The following CFAP43 variants were observed in gnomAD, a reference collection of about 807,000 sequenced individuals.
The protein encoded by CFAP43 is cilia- and flagella-associated protein 43.
CFAP43 carries 155 observed loss-of-function variants against 218.9 expected under a neutral mutation model. The ratio of observed to expected loss-of-function variants is 0.71; its 90% CI spans 0.62 to 0.81. CFAP43 has a LOEUF of 0.81. Among genes scored for constraint, CFAP43 ranks in the 30% least tolerant of loss-of-function variants. The probability of loss-of-function intolerance (pLI) is 0.00; values close to 1 mark genes in which losing one functional copy is unlikely to be tolerated. For synonymous variants in CFAP43, 645 were observed against 681.3 expected (o/e 0.95, Z 0.83); for missense variants, 1,778 against 1,954.3 (o/e 0.91, Z 1.70).
intron 7 of CFAP43, among the ~76,000 whole-genome samples, chr10:104,205,176 G>A (rs1251732218): frequency 1.6e-5 from 2 of 124,398 alleles, no homozygotes; most frequent in African/African-American, 6.3e-5. Flanking sequence ...TCGCGCCACT[G>A]TACTCCAGCC....
In CFAP43 at chr10:104,193,948, A is replaced by G. The variant is rs1309084756; in HGVS notation, c.1360T>C (p.Tyr454His). 1 of 1,614,044 alleles carries G rather than the reference A, an allele frequency of 6.2e-7. No homozygotes were observed. The highest frequency in any genetic ancestry group is 8.5e-7 in the Non-Finnish European group (1 of 1,180,036). Residue 454 changes from tyrosine to histidine, a missense_variant, in exon 11 of 38, where the codon TAC becomes CAC. By Grantham distance (83) the Tyr-to-His change is moderately conservative (BLOSUM62 2). This residue lies in a region of CFAP43 where 1,553 missense variants were observed against 1,685.2 expected (regional missense o/e 0.92). Coordinates refer to ENST00000357060, the MANE Select transcript of CFAP43 (RefSeq NM_025145.7). ...AAVGTEDGSV[Y>H]FISVYDKESP... is the part of the protein sequence containing the mutation. ...TCCTTATCATATACGCTGATGAAGT[A>G]GACCGAGCCATCCTCCGTGCCCACG... is the stretch of plus-strand genomic sequence containing the variant.
In CFAP43 at chr10:104,230,796, T is replaced by G; in HGVS notation, c.113A>C (p.Asn38Thr). The change falls in exon 2 of 38, where the codon AAC becomes ACC. Residue 38 changes from asparagine (N) to threonine (T), a missense_variant. Coordinates refer to ENST00000357060, the MANE Select transcript of CFAP43 (RefSeq NM_025145.7). ...PKQNVHFVND[N>T]TICYPCGNYV... ...ATTCCCACAAGGGTAGCAAATGGTG[T>G]TGTCGTTGACAAAATGAACATTCTG... 1 of 1,613,800 alleles carries G rather than the reference T, an allele frequency of 6.2e-7. No homozygotes were observed. Among genetic ancestry groups the G allele is most frequent in the Non-Finnish European group, 8.5e-7 (1 of 1,179,962 alleles).
intron 16 of CFAP43, among the ~76,000 whole-genome samples, chr10:104,183,216 C>T (rs2089912505): frequency 1.3e-5 from 2 of 152,074 alleles, no homozygotes; most frequent in Non-Finnish European, 2.9e-5. Context: ...ATTCCTGGGC[C>T]CCACTTGCAG....
At chr10:104,176,552 T>C (rs1488278237) in intron 19 of CFAP43, among the ~76,000 whole-genome samples, 1 of 152,220 alleles carries the variant, frequency 6.6e-6, no homozygotes, top group African/African-American at 2.4e-5. Flanking sequence ...AGCCATATAC[T>C]TTTCTAGAAA....
At position 104,225,449 on chromosome 10, in the gene CFAP43, G is replaced by A. The variant is rs1179622984; in HGVS notation, c.416+12C>T. Reference sequence around the variant, plus strand: ...CCCAGTAAAAGGAATTCCACAGGATGCTGAAACTTACCAAAGGGCCAGTTC... The same window carrying A: ...CCCAGTAAAAGGAATTCCACAGGATACTGAAACTTACCAAAGGGCCAGTTC... On this transcript the variant is annotated intron_variant, in intron 3 of 37. Transcript: ENST00000357060. The A allele has an allele frequency of 6.3e-7, 1 of 1,592,564 alleles. No homozygotes were observed. Among genetic ancestry groups the A allele is most frequent in the South Asian group, 1.1e-5 (1 of 89,648 alleles).
chr10:104,179,131 T>A, intron 18 of CFAP43, 25 bp from the exon 19 acceptor site: 1 of 1,559,272 alleles, frequency 6.4e-7, no homozygotes, highest in Non-Finnish European at 8.8e-7. Flanking sequence ...GTATATCACT[T>A]AACAAAGCAA....
At chr10:104,159,063 T>A (rs1430207427) in intron 27 of CFAP43, among the ~76,000 whole-genome samples, 1 of 152,148 alleles carries the variant, frequency 6.6e-6, no homozygotes, top group African/African-American at 2.4e-5. Flanking sequence ...AGGTATAAAA[T>A]GAATTAAGAT....
chr10:104,131,282 T>G lies in CFAP43; in HGVS notation c.4831+49A>C, dbSNP rs375614935. On this transcript the variant is annotated intron_variant, in intron 37 of 37. Transcript: ENST00000357060. Reference sequence around the variant, plus strand: ...TTGTATACATTTTAGGATTACTGATTACTTTTAAAGAAACCTACAGTTGGT... The same window carrying G: ...TTGTATACATTTTAGGATTACTGATGACTTTTAAAGAAACCTACAGTTGGT... 34 of 1,576,404 alleles carry G rather than the reference T, an allele frequency of 2.2e-5. No homozygotes were observed. In the African/African-American group the frequency reaches 4.3e-4, roughly 20 times the overall value.
At position 104,191,741 on chromosome 10, in the gene CFAP43, CA is replaced by C. The variant is rs201046047; in HGVS notation, c.1546+457del. The stretch of plus-strand genomic sequence containing the variant: ...GTGGGACTTGGCAAAGTGTGAGGAG[CA>C]AAAAAAAAATTTTTTTTAAGGAGAA... On this transcript the variant is annotated intron_variant, in intron 12 of 37. Coordinates refer to ENST00000357060, the MANE Select transcript of CFAP43 (RefSeq NM_025145.7). Among the ~76,000 whole-genome samples, 7 of 137,766 alleles carry C rather than the reference CA, an allele frequency of 5.1e-5. No homozygotes were observed. In the South Asian group the frequency reaches 1.1e-3, roughly 22 times the overall value. The allele number at this position is 137,766 out of a possible 152,430, so 90.4% of individuals were successfully genotyped here.
chr10:104,228,334 CTCTT>C (rs2091358462), intron 2 of CFAP43, among the ~76,000 whole-genome samples: 1 of 151,640 alleles, frequency 6.6e-6, no homozygotes, highest in South Asian at 2.1e-4. Context: ...TGGTGGTAGC[CTCTT>C]TCTTCATTTA....
At chr10:104,163,366 A>G (rs983364197) in intron 24 of CFAP43, among the ~76,000 whole-genome samples, 1 of 152,168 alleles carries the variant, frequency 6.6e-6, no homozygotes, top group African/African-American at 2.4e-5. Context: ...AATATTTTCT[A>G]TTACTTCTAA....
At chr10:104,210,783 C>CTTTTTTTTTTTTTT (rs68153454) in intron 5 of CFAP43, among the ~76,000 whole-genome samples, 2 of 75,460 alleles carry the variant, frequency 2.7e-5, no homozygotes, top group African/African-American at 5.8e-5. Context: ...GTGAAACACT[C>CTTTTTTTTTTTTTT]TTTTTTTTTT....
At position 104,212,063 on chromosome 10, in the gene CFAP43, C is replaced by T. The variant is rs373422223; in HGVS notation, c.679G>A (p.Val227Met). ...CCGGCAATGGCTGACAGTGGCAGCACGGGACCATAGATGAGATCTTTCGGC... is the reference window on the plus strand; with the variant it reads ...CCGGCAATGGCTGACAGTGGCAGCATGGGACCATAGATGAGATCTTTCGGC... ...SLPKDLIYGP[V>M]LPLSAIAGLV... The change falls in exon 5 of 38, where the codon GTG (valine) becomes ATG (methionine). Residue 227 changes from valine (V) to methionine (M), a missense_variant. By Grantham distance (21) the Val-to-Met change is conservative. Coordinates refer to ENST00000357060, the MANE Select transcript of CFAP43 (RefSeq NM_025145.7). 19 of 1,613,596 alleles carry T rather than the reference C, an allele frequency of 1.2e-5. No individual in the cohort carries two copies. The highest frequency in any genetic ancestry group is 1.1e-4 in the African/African-American group (8 of 74,874).
intron 22 of CFAP43, 104 bp from the exon 23 acceptor site, chr10:104,166,822 GA>G: frequency 9.6e-7 from 1 of 1,042,408 alleles, no homozygotes; most frequent in East Asian, 2.4e-5. Flanking sequence ...TTAATTTGTT[GA>G]ATTGTCTTGC....
intron 20 of CFAP43, among the ~76,000 whole-genome samples, chr10:104,171,691 T>C (rs979509816): frequency 9.9e-5 from 15 of 152,228 alleles, no homozygotes; most frequent in Admixed American, 3.9e-4. Context: ...CTTAGGGCTT[T>C]TATTTAAAAT....
At chr10:104,188,500 T>C in intron 12 of CFAP43, 90 bp from the exon 13 acceptor site, 2 of 1,464,246 alleles carry the variant, frequency 1.4e-6, no homozygotes, top group Non-Finnish European at 1.8e-6. Context: ...ATCCATGGAC[T>C]TGCCTTCACT....
chr10:104,148,942 G>A (rs771235582), intron 28 of CFAP43, among the ~76,000 whole-genome samples: 8 of 151,980 alleles, frequency 5.3e-5, no homozygotes, highest in Non-Finnish European at 1.2e-4. Context: ...ACAAACTCCT[G>A]TGACATGAGT....
chr10:104,180,680 C>T (rs1229799131), intron 17 of CFAP43, among the ~76,000 whole-genome samples: 3 of 152,128 alleles, frequency 2.0e-5, no homozygotes, highest in Admixed American at 6.5e-5. Flanking sequence ...CTCCTAACCT[C>T]GTGATATGCC....
Position 104,148,001 on chromosome 10 carries a change from G to A in CFAP43, c.3661-3C>T. On this transcript the variant is annotated splice_polypyrimidine_tract_variant and splice_region_variant and intron_variant, in intron 28 of 37. Coordinates refer to ENST00000357060, the MANE Select transcript of CFAP43 (RefSeq NM_025145.7). The stretch of plus-strand genomic sequence containing the variant: ...AGGTTACTTATTTTCAGTTCCTCCT[G>A]TAGAAATATTTAAGAAAAAGGTTGG... The A allele has an allele frequency of 1.3e-6, 2 of 1,551,434 alleles. No homozygotes were observed. Among genetic ancestry groups the A allele is most frequent in the Non-Finnish European group, 1.7e-6 (2 of 1,145,166 alleles).
Sources: gnomAD v4.1 joint callset for allele counts (sites outside exome capture counted in the v4.1 genomes callset) on GRCh38, gnomAD v4.1.1 for gene constraint, gnomAD v4.1.1 regional missense constraint, MANE v1.5 for transcripts, NCBI Gene and HGNC (gene_info 2026-07-23, HGNC 2026-07-21) for gene names.